The following ABCB10 variants were observed in gnomAD, a reference collection of about 807,000 sequenced individuals.
ABCB10 encodes the protein ATP-binding cassette sub-family B member 10, mitochondrial.
ABCB10 carries 54 observed loss-of-function variants against 65.4 expected under a neutral mutation model. That is an observed-to-expected ratio of 0.83 (90% CI 0.66 to 1.04). The LOEUF is 1.04. Ranked by LOEUF, ABCB10 falls within the 50% of genes least tolerant of loss-of-function variation. The pLI is 0.00. For synonymous variants in ABCB10, 418 were observed against 406.5 expected (o/e 1.03, Z -0.34); for missense variants, 846 against 976.6 (o/e 0.87, Z 1.78).
intron 10 of ABCB10, 35 bp downstream of exon 10, chr1:229,525,901 T>C (rs1662428212): frequency 1.3e-6 from 2 of 1,574,586 alleles, no homozygotes; most frequent in Non-Finnish European, 1.7e-6. Context: ...TCTTTGGATA[T>C]AGAGACTTTG....
intron 6 of ABCB10, among the ~76,000 whole-genome samples, chr1:229,533,055 C>A (rs1449866578): frequency 1.3e-5 from 2 of 152,156 alleles, no homozygotes; most frequent in Non-Finnish European, 2.9e-5. Flanking sequence ...AATCCTCCTG[C>A]CTTGGCCTCC....
In ABCB10 at chr1:229,518,885, G is replaced by GA. The variant is rs753546411; in HGVS notation, c.1951-11dup. 4.6e-5 allele frequency: 72 copies of GA among 1,563,904 alleles called. No homozygotes were observed. The highest frequency in any genetic ancestry group is 1.8e-4 in the Middle Eastern group (1 of 5,428). On this transcript the variant is annotated splice_polypyrimidine_tract_variant and intron_variant, in intron 11 of 12. Transcript: ENST00000344517. The stretch of plus-strand genomic sequence containing the variant: ...GAAGAATTTTGGGATTCTGAAGAAG[G>GA]AAAAAAAAGGAAAAGATAAAATAAT...
At chr1:229,542,087 A>C in intron 4 of ABCB10, 150 bp downstream of exon 4, 1 of 1,074,986 alleles carries the variant, frequency 9.3e-7, no homozygotes, top group Non-Finnish European at 1.3e-6. Flanking sequence ...AGAGTAGTTT[A>C]AGTTTCATGG....
intron 10 of ABCB10, among the ~76,000 whole-genome samples, chr1:229,523,890 G>A (rs1468143971): frequency 6.6e-6 from 1 of 152,040 alleles, no homozygotes; most frequent in Non-Finnish European, 1.5e-5. Flanking sequence ...TTTCAGAGAT[G>A]GAGTAGCAGT....
intron 7 of ABCB10, 62 bp downstream of exon 7, chr1:229,531,574 C>A: frequency 2.0e-6 from 3 of 1,497,198 alleles, no homozygotes; most frequent in Non-Finnish European, 2.8e-6. Context: ...AGGGGAAGAG[C>A]TGGTCTCATT....
At chr1:229,554,150 G>A (rs1170626112) in intron 1 of ABCB10, among the ~76,000 whole-genome samples, 2 of 152,156 alleles carry the variant, frequency 1.3e-5, no homozygotes, top group Non-Finnish European at 2.9e-5. Flanking sequence ...GGATGCAGGT[G>A]GGTGTGATGG....
intron 8 of ABCB10, among the ~76,000 whole-genome samples, chr1:229,529,289 C>A (rs542590287): frequency 1.3e-3 from 74 of 55,976 alleles, no homozygotes; most frequent in Non-Finnish European, 1.5e-3. Flanking sequence ...GAGCAAGACT[C>A]CGTCTCAAAA....
chr1:229,544,928 A>T (rs551885846), intron 3 of ABCB10, among the ~76,000 whole-genome samples: 26 of 151,994 alleles, frequency 1.7e-4, no homozygotes, highest in Non-Finnish European at 3.5e-4. Flanking sequence ...TGGACTTCTA[A>T]CCTCCAGAAT....
chr1:229,551,131 C>T lies in ABCB10; in HGVS notation c.518-1697G>A, dbSNP rs182655219. The stretch of plus-strand genomic sequence containing the variant: ...TAAAGAGTCCAGAGCAAACTCAGTG[C>T]CAACTGGACATTTAGTCGACAAACA... On this transcript the variant is annotated intron_variant, in intron 1 of 12. Transcript: ENST00000344517. Among the ~76,000 whole-genome samples the T allele has an allele frequency of 1.1e-4, 16 of 152,218 alleles. No individual in the cohort carries two copies. In the East Asian group the frequency reaches 2.7e-3, roughly 26 times the overall value.
intron 6 of ABCB10, among the ~76,000 whole-genome samples, chr1:229,532,512 C>T (rs1662608256): frequency 6.6e-6 from 1 of 151,992 alleles, no homozygotes; most frequent in South Asian, 2.1e-4. Flanking sequence ...TGATACGCTA[C>T]TCACATACTC....
chr1:229,534,506 A>G (rs935443407), intron 6 of ABCB10, among the ~76,000 whole-genome samples: 7 of 151,962 alleles, frequency 4.6e-5, no homozygotes, highest in African/African-American at 1.2e-4. Flanking sequence ...TGGGCAGATC[A>G]CTTGAGGCCA....
At chr1:229,550,129 T>C (rs537966045) in intron 1 of ABCB10, 6 of 152,406 alleles carry the variant, frequency 3.9e-5, no homozygotes, top group African/African-American at 9.6e-5. Flanking sequence ...CTTCTTAATA[T>C]TGTATTATTG....
chr1:229,547,808 G>T, intron 2 of ABCB10, 107 bp from the exon 3 acceptor site: 1 of 1,009,010 alleles, frequency 9.9e-7, no homozygotes, highest in Admixed American at 2.0e-5. Flanking sequence ...TAACCCTCCT[G>T]AGCAATGCAG....
chr1:229,527,123 T>C, intron 9 of ABCB10, 106 bp downstream of exon 9: 1 of 1,087,454 alleles, frequency 9.2e-7, no homozygotes, highest in Non-Finnish European at 1.4e-6. Flanking sequence ...TCCCAAAGAC[T>C]TCCATTCCTT....
At chr1:229,524,638 A>G (rs1415899884) in intron 10 of ABCB10, among the ~76,000 whole-genome samples, 2 of 152,322 alleles carry the variant, frequency 1.3e-5, no homozygotes, top group Non-Finnish European at 2.9e-5. Flanking sequence ...GTGATCCAGA[A>G]TGATAGGTGT....
At chr1:229,550,292 G>A (rs899038586) in intron 1 of ABCB10, among the ~76,000 whole-genome samples, 6 of 150,636 alleles carry the variant, frequency 4.0e-5, no homozygotes, top group South Asian at 2.1e-4. Flanking sequence ...TCAGGAGGCT[G>A]AGGTGGGTGG....
At chr1:229,534,336 G>C (rs1250646240) in intron 6 of ABCB10, among the ~76,000 whole-genome samples, 1 of 152,138 alleles carries the variant, frequency 6.6e-6, no homozygotes, top group East Asian at 1.9e-4. Flanking sequence ...ATGCAAATGG[G>C]ACACACATTT....
intron 1 of ABCB10, among the ~76,000 whole-genome samples, chr1:229,555,127 G>A (rs1429780191): frequency 6.6e-6 from 1 of 152,072 alleles, no homozygotes; most frequent in South Asian, 2.1e-4. Context: ...TGCCCACCCC[G>A]CCGAAGCCCC....
At chr1:229,551,103 TAATAAA>T (rs1199032953) in intron 1 of ABCB10, among the ~76,000 whole-genome samples, 1 of 152,182 alleles carries the variant, frequency 6.6e-6, no homozygotes, top group Non-Finnish European at 1.5e-5. Flanking sequence ...TATATAACCT[TAATAAA>T]GAGTCCAGAG....
Sources: gnomAD v4.1 joint callset for allele counts (sites outside exome capture counted in the v4.1 genomes callset) on GRCh38, gnomAD v4.1.1 for gene constraint, MANE v1.5 for transcripts, NCBI Gene and HGNC (gene_info 2026-07-23, HGNC 2026-07-21) for gene names.